Variants in RGS17 observed in about 807,000 individuals in gnomAD.
RGS17 encodes regulator of G-protein signaling 17.
Under a neutral mutation model 25.5 loss-of-function variants are expected in RGS17, and 12 were observed. That is an observed-to-expected ratio of 0.47 (90% confidence interval 0.30 to 0.76). RGS17 has a LOEUF of 0.76. RGS17 is among the 30% of genes least tolerant of loss of function. RGS17 has a pLI of 0.07. For missense variants in RGS17, 196 were observed against 242.2 expected (o/e 0.81, Z 1.27); for synonymous variants, 71 against 76.9 (o/e 0.92, Z 0.40).
rs1160122275 is a variant in RGS17 at position 153,009,424 on chromosome 6, TTAAA to T, written c.*2146_*2149del. On this transcript the variant is annotated 3_prime_UTR_variant, in exon 5 of 5. Coordinates refer to ENST00000206262, the MANE Select transcript of RGS17 (RefSeq NM_012419.5). ...AACTCAATTCTAAGCAAGAAAAAAATTAAATAATTTAGGAACAATAGAACTTCAC... is the reference window on the plus strand; with the variant it reads ...AACTCAATTCTAAGCAAGAAAAAAATTAATTTAGGAACAATAGAACTTCAC... 1 of 151,820 alleles carries T rather than the reference TTAAA, an allele frequency of 6.6e-6. No individual in the cohort carries two copies. The highest frequency in any genetic ancestry group is 1.5e-5 in the Non-Finnish European group (1 of 67,864). The allele number at this position is 151,820 out of a possible 1,614,324, so 9.4% of individuals were successfully genotyped here.
chr6:153,110,535 G>A (rs1777454578), intron 1 of RGS17, among the ~76,000 whole-genome samples: 2 of 151,966 alleles, frequency 1.3e-5, no homozygotes, highest in Non-Finnish European at 2.9e-5. Context: ...CTCTTAGAAA[G>A]AACCCTGCGA....
At chr6:153,081,487 T>TCATGTATA (rs143355868) in intron 1 of RGS17, among the ~76,000 whole-genome samples, 6,187 of 152,160 alleles carry the variant, frequency 0.041, 469 homozygotes, top group South Asian at 0.26. Context: ...TTTTTGTAGA[T>TCATGTATA]CATGTATATG....
At chr6:153,039,074 C>T (rs999015730) in intron 2 of RGS17, among the ~76,000 whole-genome samples, 2 of 151,988 alleles carry the variant, frequency 1.3e-5, no homozygotes, top group South Asian at 2.1e-4. Context: ...TGGGCAATAC[C>T]GGGAGAGCAT....
Position 153,006,095 on chromosome 6 carries a change from C to T in RGS17, c.*5479G>A, listed in dbSNP as rs189988019. ...GGAACTCCTGGGCTCAAGTGATCCT[C>T]ACGCCTTAGTCTCCCAAAGTGCTGG... On this transcript the variant is annotated 3_prime_UTR_variant, in exon 5 of 5. Coordinates refer to ENST00000206262, the MANE Select transcript of RGS17 (RefSeq NM_012419.5). 2.3e-3 allele frequency: 349 copies of T among 152,346 alleles called. 2 individuals carry two copies. The highest frequency in any genetic ancestry group is 8.0e-3 in the African/African-American group (334 of 41,576). The allele number at this position is 152,346 out of a possible 1,614,324, so 9.4% of individuals were successfully genotyped here. A position where few individuals can be genotyped will look rare whatever the true frequency, so the allele number is the denominator to read the frequency against.
At position 153,040,077 on chromosome 6, in the gene RGS17, A is replaced by ATGCACTGGATTTGGGCATCCATTCCT. The variant is rs35364459; in HGVS notation, c.119+3822_119+3823insAGGAATGGATGCCCAAATCCAGTGCA. The stretch of plus-strand genomic sequence containing the variant: ...TGCATGTTTATAGAGTGTCCATTTT[A>ATGCACTGGATTTGGGCATCCATTCCT]TGTGTATTTAAGGATGTTAATGGTT... On this transcript the variant is annotated intron_variant, in intron 2 of 4. Coordinates refer to ENST00000206262, the MANE Select transcript of RGS17 (RefSeq NM_012419.5). Among the ~76,000 whole-genome samples, 8 of 151,968 alleles carry ATGCACTGGATTTGGGCATCCATTCCT rather than the reference A, an allele frequency of 5.3e-5. No individual in the cohort carries two copies. In the East Asian group the frequency reaches 1.5e-3, roughly 29 times the overall value.
chr6:153,052,862 A>G (rs1180769194), intron 1 of RGS17, among the ~76,000 whole-genome samples: 2 of 152,130 alleles, frequency 1.3e-5, no homozygotes, highest in Admixed American at 6.5e-5. Context: ...TCATTAGACA[A>G]TGACGGTGGA....
At chr6:153,076,967 A>G (rs992684414) in intron 1 of RGS17, among the ~76,000 whole-genome samples, 7 of 149,448 alleles carry the variant, frequency 4.7e-5, no homozygotes, top group Non-Finnish European at 7.5e-5. Flanking sequence ...CATATTCTGC[A>G]CTAGTTATAA....
At chr6:153,096,177 A>C (rs1489311476) in intron 1 of RGS17, among the ~76,000 whole-genome samples, 1 of 147,872 alleles carries the variant, frequency 6.8e-6, no homozygotes, top group Non-Finnish European at 1.5e-5. Context: ...AGACGAGGGA[A>C]GGAGGGTCAG....
intron 1 of RGS17, among the ~76,000 whole-genome samples, chr6:153,091,971 A>G (rs2129121806): frequency 6.6e-6 from 1 of 152,336 alleles, no homozygotes; most frequent in African/African-American, 2.4e-5. Flanking sequence ...CTTTTTAGAT[A>G]AAACAGAAAA....
chr6:153,119,626 G>A (rs1057055498), intron 1 of RGS17, among the ~76,000 whole-genome samples: 1 of 152,042 alleles, frequency 6.6e-6, no homozygotes, highest in African/African-American at 2.4e-5. Flanking sequence ...CCGGGAGGTG[G>A]AGGTTGCAGT....
At chr6:153,028,430 T>C (rs1457561406) in intron 2 of RGS17, among the ~76,000 whole-genome samples, 1 of 152,166 alleles carries the variant, frequency 6.6e-6, no homozygotes, top group Non-Finnish European at 1.5e-5. Flanking sequence ...TGGAGGTATT[T>C]GCGTGTGAGT....
chr6:153,071,097 ACACT>A (rs1365999983), intron 1 of RGS17, among the ~76,000 whole-genome samples: 2 of 149,908 alleles, frequency 1.3e-5, no homozygotes, highest in Admixed American at 6.7e-5. Context: ...GTATATATAC[ACACT>A]CATATATATC....
chr6:153,120,095 T>C (rs1354184545), intron 1 of RGS17, among the ~76,000 whole-genome samples: 2 of 152,218 alleles, frequency 1.3e-5, no homozygotes, highest in Non-Finnish European at 2.9e-5. Context: ...CAAAATAACA[T>C]TGCAATTGTG....
chr6:153,058,456 G>T (rs1360419464), intron 1 of RGS17, among the ~76,000 whole-genome samples: 1 of 152,162 alleles, frequency 6.6e-6, no homozygotes, highest in African/African-American at 2.4e-5. Flanking sequence ...ACATGTAAAT[G>T]AACTGAGTCT....
chr6:153,049,859 T>C (rs1460012480), intron 1 of RGS17, among the ~76,000 whole-genome samples: 1 of 152,180 alleles, frequency 6.6e-6, no homozygotes, highest in Non-Finnish European at 1.5e-5. Context: ...CATGGAAGAC[T>C]GAAGACATGT....
intron 1 of RGS17, among the ~76,000 whole-genome samples, chr6:153,085,294 C>T (rs1383485809): frequency 1.3e-5 from 2 of 152,112 alleles, no homozygotes; most frequent in Non-Finnish European, 2.9e-5. Context: ...TATAGCTCTT[C>T]GAGGGACTTC....
chr6:153,108,623 C>T (rs1362801827), intron 1 of RGS17, among the ~76,000 whole-genome samples: 2 of 151,694 alleles, frequency 1.3e-5, no homozygotes, highest in African/African-American at 2.4e-5. Context: ...CATTTCTATA[C>T]TGCAATTAAT....
intron 2 of RGS17, among the ~76,000 whole-genome samples, chr6:153,041,663 C>T (rs770616719): frequency 3.3e-5 from 5 of 152,122 alleles, no homozygotes; most frequent in Non-Finnish European, 7.3e-5. Context: ...AATCATATAC[C>T]GATTACAGGA....
intron 2 of RGS17, among the ~76,000 whole-genome samples, chr6:153,035,471 C>T (rs1776227488): frequency 6.6e-6 from 1 of 152,032 alleles, no homozygotes; most frequent in Admixed American, 6.6e-5. Flanking sequence ...ACACCTAGAC[C>T]ATGAAAGACA....
Sources: allele counts gnomAD v4.1 joint callset (sites outside exome capture counted in the v4.1 genomes callset), GRCh38; gene constraint gnomAD v4.1.1; transcripts MANE v1.5; gene names NCBI Gene and HGNC (gene_info 2026-07-23, HGNC 2026-07-21).